PTCHD4: variants seen among roughly 807,000 people sequenced by gnomAD.
PTCHD4 encodes patched domain-containing protein 4.
In PTCHD4, 33 loss-of-function variants were observed where a neutral mutation model predicts 58.1. The observed-to-expected ratio is 0.57, with a 90% CI of 0.43 to 0.76. PTCHD4 has a LOEUF of 0.76. Among genes scored for constraint, PTCHD4 ranks in the 30% least tolerant of loss-of-function variants. The probability of loss-of-function intolerance (pLI) is 0.00; values close to 1 mark genes in which losing one functional copy is unlikely to be tolerated. For missense variants in PTCHD4, 1,058 were observed against 1,027.1 expected (o/e 1.03, Z -0.41); for synonymous variants, 478 against 409.6 (o/e 1.17, Z -2.02).
chr6:48,099,524 A>G (rs1765554081), intron 1 of PTCHD4, among the ~76,000 whole-genome samples: 1 of 152,244 alleles, frequency 6.6e-6, no homozygotes, highest in Admixed American at 6.5e-5. Context: ...GGAAATATAG[A>G]ATATAAATCC....
chr6:48,062,930 G>A (rs548871985), intron 3 of PTCHD4, among the ~76,000 whole-genome samples: 58 of 152,212 alleles, frequency 3.8e-4, no homozygotes, highest in South Asian at 1.7e-3. Context: ...AGAAGCTGAC[G>A]CCTACATTGG....
At chr6:48,094,503 T>C (rs899783064) in intron 1 of PTCHD4, among the ~76,000 whole-genome samples, 1 of 152,192 alleles carries the variant, frequency 6.6e-6, no homozygotes, top group Non-Finnish European at 1.5e-5. Context: ...CTGAATGCTG[T>C]GTAATACAAT....
chr6:47,976,664 A>G (rs1318816993), intron 4 of PTCHD4, among the ~76,000 whole-genome samples: 1 of 10,198 alleles, frequency 9.8e-5, no homozygotes, highest in Non-Finnish European at 2.4e-4. Flanking sequence ...CAAAATAAAT[A>G]AATAAATAAA....
At chr6:47,913,327 A>G (rs186682263) in intron 4 of PTCHD4, among the ~76,000 whole-genome samples, 1 of 152,114 alleles carries the variant, frequency 6.6e-6, no homozygotes, top group East Asian at 1.9e-4. Context: ...ACACCAAGAA[A>G]AAGTCATATT....
intron 4 of PTCHD4, among the ~76,000 whole-genome samples, chr6:47,921,956 A>AAAAAAG (rs1352615678): frequency 3.9e-4 from 57 of 147,052 alleles, no homozygotes; most frequent in African/African-American, 1.3e-3. Flanking sequence ...AAAAAAAAAA[A>AAAAAAG]AAAAGAAAAG....
chr6:47,932,699 T>G (rs1765866933), intron 4 of PTCHD4, among the ~76,000 whole-genome samples: 1 of 152,224 alleles, frequency 6.6e-6, no homozygotes, highest in African/African-American at 2.4e-5. Flanking sequence ...CCACATATTC[T>G]GGAGCAAGCG....
rs764551252 is a variant in PTCHD4 at position 48,068,441 on chromosome 6, C to A, written c.206G>T (p.Arg69Leu). The A allele has an allele frequency of 1.4e-5, 23 of 1,613,680 alleles. No homozygotes were observed. Among genetic ancestry groups the A allele is most frequent in the Middle Eastern group, 1.6e-4 (1 of 6,082 alleles). ...CAGGCTGTGGCTGGGAGCGACCAGG[C>A]GCTCCAGGTCGCCCTCGGGCTGGAA... ...NRFQPEGDLERLVAPSHSLAK... is the reference protein window; with the variant it reads ...NRFQPEGDLELLVAPSHSLAK... Residue 69 changes from arginine (R) to leucine (L), a missense_variant, in exon 3 of 5, where the codon CGC (arginine) becomes CTC (leucine). Coordinates refer to ENST00000339488, the MANE Select transcript of PTCHD4 (RefSeq NM_001384253.1). This position sits in a 1 kb window ranked among gnomAD's most constrained non-coding sequence, Gnocchi z 4.2.
chr6:47,887,518 T>C (rs1013999999), intron 4 of PTCHD4, among the ~76,000 whole-genome samples: 1 of 152,154 alleles, frequency 6.6e-6, no homozygotes, highest in African/African-American at 2.4e-5. Flanking sequence ...GAGGTGGAAA[T>C]AGATGTCAAT....
chr6:47,900,255 TAA>T (rs552258189), intron 4 of PTCHD4: 86 of 152,336 alleles, frequency 5.6e-4, no homozygotes, highest in African/African-American at 2.0e-3. Flanking sequence ...CAGCAATGTG[TAA>T]AGAGTTCCTA....
intron 4 of PTCHD4, among the ~76,000 whole-genome samples, chr6:47,922,635 C>T (rs1175476576): frequency 6.6e-6 from 1 of 152,178 alleles, no homozygotes; most frequent in Non-Finnish European, 1.5e-5. Flanking sequence ...TTTCAATCCC[C>T]CTTCATTCCC....
At chr6:47,885,873 C>T (rs536213978) in intron 4 of PTCHD4, among the ~76,000 whole-genome samples, 7 of 152,236 alleles carry the variant, frequency 4.6e-5, no homozygotes, top group African/African-American at 9.6e-5. Flanking sequence ...GGCCATAGTG[C>T]GGTGGCGAGA....
intron 3 of PTCHD4, among the ~76,000 whole-genome samples, chr6:48,045,821 G>T (rs1171047392): frequency 2.7e-5 from 4 of 150,108 alleles, no homozygotes; most frequent in African/African-American, 9.8e-5. Context: ...TGAGTACAGA[G>T]ATTGACTTTA....
intron 3 of PTCHD4, among the ~76,000 whole-genome samples, chr6:48,043,135 A>G (rs1053061185): frequency 6.6e-6 from 1 of 151,930 alleles, no homozygotes; most frequent in South Asian, 2.1e-4. Context: ...AAAAGGCTCA[A>G]ACACACACAC....
intron 4 of PTCHD4, among the ~76,000 whole-genome samples, chr6:47,965,882 T>A (rs1428885323): frequency 1.3e-5 from 2 of 151,988 alleles, no homozygotes; most frequent in Non-Finnish European, 2.9e-5. Context: ...GCCACTGCAC[T>A]CCAGCCTGGG....
intron 4 of PTCHD4, among the ~76,000 whole-genome samples, chr6:47,902,696 G>A (rs956441810): frequency 5.3e-5 from 8 of 152,114 alleles, no homozygotes; most frequent in African/African-American, 1.7e-4. Flanking sequence ...ACATATAAAT[G>A]AATTCACGTT....
intron 1 of PTCHD4, among the ~76,000 whole-genome samples, chr6:48,091,636 CCTCTTTCTTTCT>C (rs1006101176): frequency 3.6e-5 from 4 of 111,606 alleles, no homozygotes; most frequent in African/African-American, 1.0e-4. Flanking sequence ...TCCCTCCCTT[CCTCTTTCTTTCT>C]CTCTTTCTTT....
At chr6:48,102,001 T>C (rs966271877) in intron 1 of PTCHD4, among the ~76,000 whole-genome samples, 1 of 152,224 alleles carries the variant, frequency 6.6e-6, no homozygotes, top group Non-Finnish European at 1.5e-5. Context: ...CTTCAGGTCA[T>C]GATTTTGCTG....
intron 4 of PTCHD4, among the ~76,000 whole-genome samples, chr6:47,996,235 G>T (rs1312440065): frequency 6.6e-6 from 1 of 152,128 alleles, no homozygotes; most frequent in African/African-American, 2.4e-5. Context: ...TTGGGAGGCT[G>T]AGGCGAGCGG....
At chr6:47,963,464 C>T (rs1767174378) in intron 4 of PTCHD4, among the ~76,000 whole-genome samples, 1 of 152,138 alleles carries the variant, frequency 6.6e-6, no homozygotes. Flanking sequence ...ACTATATGAT[C>T]CAGCAATCCC....
Sources: allele counts gnomAD v4.1 joint callset (sites outside exome capture counted in the v4.1 genomes callset), GRCh38; gene constraint gnomAD v4.1.1; non-coding constraint Gnocchi (gnomAD v3.1); transcripts MANE v1.5; gene names NCBI Gene and HGNC (gene_info 2026-07-23, HGNC 2026-07-21).